Variants in GALNT14 observed in about 807,000 individuals in gnomAD.
The protein encoded by GALNT14 is polypeptide N-acetylgalactosaminyltransferase 14, also known as UDP-GalNAc:polypeptide N-acetylgalactosaminyltransferase 14.
Under a neutral mutation model 77.5 loss-of-function variants are expected in GALNT14, and 60 were observed. The ratio of observed to expected loss-of-function variants is 0.77; its 90% CI spans 0.63 to 0.96. The LOEUF is 0.96. Among genes scored for constraint, GALNT14 ranks in the 40% least tolerant of loss-of-function variants. The probability of loss-of-function intolerance (pLI) is 0.00; values close to 1 mark genes in which losing one functional copy is unlikely to be tolerated. For synonymous variants in GALNT14, 280 were observed against 281.7 expected (o/e 0.99, Z 0.06); for missense variants, 710 against 731.0 (o/e 0.97, Z 0.33).
intron 1 of GALNT14, among the ~76,000 whole-genome samples, chr2:31,046,491 G>A (rs1673471476): frequency 6.6e-6 from 1 of 152,162 alleles, no homozygotes; most frequent in African/African-American, 2.4e-5. Context: ...GCATCCCTAA[G>A]TGCTGGGATT....
At chr2:30,928,586 T>C (rs995067070) in intron 11 of GALNT14, among the ~76,000 whole-genome samples, 2 of 152,104 alleles carry the variant, frequency 1.3e-5, no homozygotes, top group Non-Finnish European at 2.9e-5. Context: ...TGTAATGGTA[T>C]CTAGCTTTTA....
intron 3 of GALNT14, among the ~76,000 whole-genome samples, chr2:30,959,150 C>G (rs1191650341): frequency 2.0e-5 from 3 of 152,112 alleles, no homozygotes; most frequent in African/African-American, 7.2e-5. Flanking sequence ...CCCACAAGGA[C>G]CAGTTTGAAT....
At chr2:31,017,161 G>A (rs528907550) in intron 1 of GALNT14, among the ~76,000 whole-genome samples, 1 of 152,304 alleles carries the variant, frequency 6.6e-6, no homozygotes, top group Admixed American at 6.5e-5. Context: ...CACATTTTCA[G>A]AAAGGTTCCT....
chr2:30,888,912 C>T, the GALNT14 span, among the ~76,000 whole-genome samples: 13 of 152,038 alleles, frequency 8.6e-5, no homozygotes, highest in Admixed American at 7.9e-4. Flanking sequence ...ATTGTCCCCC[C>T]CTCCACCCCC....
At chr2:30,905,668 C>A (rs1429019843), downstream of GALNT14, among the ~76,000 whole-genome samples, 35 of 151,372 alleles carry the variant, frequency 2.3e-4, no homozygotes, top group East Asian at 9.7e-4. Flanking sequence ...CTTCCCCAAT[C>A]TAGCAAGGCA....
the GALNT14 span, among the ~76,000 whole-genome samples, chr2:30,887,855 ATT>A: frequency 6.6e-6 from 1 of 152,148 alleles, no homozygotes; most frequent in Non-Finnish European, 1.5e-5. Flanking sequence ...CTCTTAGGTC[ATT>A]GATACCTTTT....
rs539040034 is a variant in GALNT14, at chr2:31,129,749, A to G, written c.129+8209T>C. On this transcript the variant is annotated intron_variant, in intron 1 of 14. Coordinates refer to ENST00000349752, the MANE Select transcript of GALNT14 (RefSeq NM_024572.4). ...GGGGGTGGGAGGGACATCAATGATT[A>G]CTGTTCTCTGAGGAATAAGAGAAGC... 2.2e-4 allele frequency: 144 copies of G among 649,788 alleles called. 3 individuals are homozygous for G. In the South Asian group the frequency reaches 8.5e-3, roughly 39 times the overall value. 40.3% of individuals were successfully genotyped at this position (649,788 alleles called of 1,614,324 possible).
chr2:30,913,716 C>A (rs1476801884), intron 13 of GALNT14, among the ~76,000 whole-genome samples: 1 of 152,106 alleles, frequency 6.6e-6, no homozygotes, highest in African/African-American at 2.4e-5. Context: ...CATTAGGATT[C>A]TTTTATCCCT....
intron 1 of GALNT14, among the ~76,000 whole-genome samples, chr2:31,054,582 G>A (rs1035652918): frequency 2.6e-5 from 4 of 152,170 alleles, no homozygotes; most frequent in African/African-American, 9.7e-5. Flanking sequence ...ATAAACAAGT[G>A]AATGAACAGA....
intron 13 of GALNT14, among the ~76,000 whole-genome samples, chr2:30,916,860 C>T (rs1306176316): frequency 2.0e-5 from 3 of 151,848 alleles, no homozygotes; most frequent in Non-Finnish European, 4.4e-5. Context: ...GGGTGGATCA[C>T]GAGGTCAGGA....
At chr2:30,941,057 A>C (rs1323912863) in intron 9 of GALNT14, among the ~76,000 whole-genome samples, 14 of 152,230 alleles carry the variant, frequency 9.2e-5, no homozygotes. Flanking sequence ...CTGGAGGCAG[A>C]AACAGGAGAA....
intron 2 of GALNT14, chr2:30,986,817 C>T (rs147132932): frequency 6.6e-6 from 1 of 152,170 alleles, no homozygotes; most frequent in Non-Finnish European, 1.5e-5. Flanking sequence ...TGTGATCTCA[C>T]AGGACTTAAG....
chr2:30,904,666 G>A, the GALNT14 span, among the ~76,000 whole-genome samples: 1 of 152,230 alleles, frequency 6.6e-6, no homozygotes, highest in African/African-American at 2.4e-5. Context: ...GCTTGATTAG[G>A]TAAACAAAGC....
intron 13 of GALNT14, among the ~76,000 whole-genome samples, chr2:30,916,896 G>A (rs1445070416): frequency 2.0e-5 from 3 of 151,824 alleles, no homozygotes; most frequent in African/African-American, 7.3e-5. Context: ...GGCCAATATG[G>A]TGAAACCCCA....
In GALNT14 at chr2:31,119,905, C is replaced by A. The variant is rs181830378; in HGVS notation, c.129+18053G>T. ...GGCGCGGTGGCTCACGCCTGTAATCCCAGCACTTTGGGAGGCCGAGGCGGG... is the reference window on the plus strand; with the variant it reads ...GGCGCGGTGGCTCACGCCTGTAATCACAGCACTTTGGGAGGCCGAGGCGGG... On this transcript the variant is annotated intron_variant, in intron 1 of 14. Transcript: ENST00000349752. 8.6e-3 allele frequency among the ~76,000 whole-genome samples: 643 copies of A among 75,160 alleles called. 79 individuals are homozygous for A. The highest frequency in any genetic ancestry group is 0.019 in the African/African-American group (598 of 30,736). The allele number at this position is 75,160 out of a possible 152,430, so 49.3% of individuals were successfully genotyped here.
At chr2:30,938,202 C>T (rs1377176578) in intron 9 of GALNT14, among the ~76,000 whole-genome samples, 3 of 151,950 alleles carry the variant, frequency 2.0e-5, no homozygotes, top group Non-Finnish European at 2.9e-5. Context: ...CTTTGGAAAT[C>T]CCCCATTTTA....
chr2:31,128,465 T>C (rs1678807999), intron 1 of GALNT14, among the ~76,000 whole-genome samples: 1 of 152,224 alleles, frequency 6.6e-6, no homozygotes, highest in East Asian at 1.9e-4. Context: ...TTCTTTCAAA[T>C]GACATTTTTC....
At position 30,937,128 on chromosome 2, in the gene GALNT14, G is replaced by A. The variant is rs1222156005; in HGVS notation, c.932-4934C>T. Among the ~76,000 whole-genome samples the A allele has an allele frequency of 5.3e-5, 8 of 152,182 alleles. No homozygotes were observed. The East Asian group carries it at 1.5e-3, about 29-fold the overall frequency. On this transcript the variant is annotated intron_variant, in intron 9 of 14. Transcript: ENST00000349752. ...CAGATGAGGTCATGTCCCTAATCTT[G>A]AGCCACCAATCATGGAAAGGGTGAG...
the GALNT14 span, among the ~76,000 whole-genome samples, chr2:30,890,102 T>A: frequency 1.3e-5 from 2 of 152,140 alleles, no homozygotes; most frequent in Non-Finnish European, 2.9e-5. Context: ...ATCATCAATA[T>A]CACGATTTGC....
Sources: allele counts gnomAD v4.1 joint callset (sites outside exome capture counted in the v4.1 genomes callset), GRCh38; gene constraint gnomAD v4.1.1; transcripts MANE v1.5; gene names NCBI Gene and HGNC (gene_info 2026-07-23, HGNC 2026-07-21).